Variants in SPAG16 observed in about 807,000 individuals in gnomAD.
SPAG16 encodes the protein sperm associated antigen 16, also known as sperm-associated antigen 16 protein.
In SPAG16, 86 loss-of-function variants were observed where a neutral mutation model predicts 80.4. The observed-to-expected ratio is 1.07, with a 90% confidence interval of 0.90 to 1.28. The LOEUF (loss-of-function observed/expected upper bound fraction) is 1.28. SPAG16 is among the 50% of genes most tolerant of loss of function. The probability of loss-of-function intolerance (pLI) is 0.00; values close to 1 mark genes in which losing one functional copy is unlikely to be tolerated. For synonymous variants in SPAG16, 294 were observed against 265.9 expected (o/e 1.11, Z -1.03); for missense variants, 870 against 765.3 (o/e 1.14, Z -1.61).
chr2:213,754,818 AC>A (rs1249607161), intron 10 of SPAG16, among the ~76,000 whole-genome samples: 1 of 152,202 alleles, frequency 6.6e-6, no homozygotes, highest in Non-Finnish European at 1.5e-5. Context: ...AGGCCTTAAG[AC>A]ATGTTAAGCA....
intron 10 of SPAG16, among the ~76,000 whole-genome samples, chr2:213,853,071 G>T (rs1291713164): frequency 6.6e-6 from 1 of 151,950 alleles, no homozygotes; most frequent in African/African-American, 2.4e-5. Context: ...ATGTTCACGG[G>T]GCACACATTT....
chr2:213,528,808 G>A (rs2075972948), intron 10 of SPAG16, among the ~76,000 whole-genome samples: 1 of 152,120 alleles, frequency 6.6e-6, no homozygotes, highest in Admixed American at 6.6e-5. Flanking sequence ...ATTTCATAAT[G>A]TTTTACAAAG....
intron 9 of SPAG16, among the ~76,000 whole-genome samples, chr2:213,399,674 G>T (rs2068218427): frequency 1.3e-5 from 2 of 151,742 alleles, no homozygotes; most frequent in African/African-American, 4.8e-5. Context: ...AATAAGTTGT[G>T]GAATAGTTCC....
intron 12 of SPAG16, among the ~76,000 whole-genome samples, chr2:213,942,439 A>C (rs2079246398): frequency 6.6e-6 from 1 of 152,218 alleles, no homozygotes. Context: ...TTCACTGAGC[A>C]AATAGAAGAA....
intron 13 of SPAG16, among the ~76,000 whole-genome samples, chr2:214,092,406 G>A (rs1319637938): frequency 6.6e-6 from 1 of 151,902 alleles, no homozygotes; most frequent in Admixed American, 6.6e-5. Flanking sequence ...TGACTAGTGA[G>A]TTTGAAAATC....
intron 10 of SPAG16, among the ~76,000 whole-genome samples, chr2:213,750,916 T>G (rs115765862): frequency 0.05 from 7,574 of 152,282 alleles, 253 homozygotes; most frequent in Middle Eastern, 0.095. Flanking sequence ...GGACCACCGA[T>G]GATACATTAA....
intron 12 of SPAG16, among the ~76,000 whole-genome samples, chr2:213,959,272 C>T (rs972096697): frequency 1.3e-5 from 2 of 152,060 alleles, no homozygotes; most frequent in Non-Finnish European, 2.9e-5. Flanking sequence ...TTGTACTTCT[C>T]GGGTGTTTAT....
chr2:213,689,243 C>T (rs2064830000), intron 10 of SPAG16, among the ~76,000 whole-genome samples: 1 of 152,202 alleles, frequency 6.6e-6, no homozygotes, highest in South Asian at 2.1e-4. Context: ...CAGGCATGAG[C>T]CACTGCTCCT....
chr2:213,982,361 T>C (rs2045792529), intron 12 of SPAG16, among the ~76,000 whole-genome samples: 1 of 151,646 alleles, frequency 6.6e-6, no homozygotes, highest in African/African-American at 2.4e-5. Context: ...GTTTAATATG[T>C]TTAATGTAAT....
chr2:213,988,956 T>A (rs927928310), intron 12 of SPAG16, among the ~76,000 whole-genome samples: 1 of 152,118 alleles, frequency 6.6e-6, no homozygotes, highest in African/African-American at 2.4e-5. Flanking sequence ...TTGTGTAGAA[T>A]GTGGAGTTCT....
intron 10 of SPAG16, among the ~76,000 whole-genome samples, chr2:213,601,744 C>G (rs182603502): frequency 1.3e-5 from 2 of 152,284 alleles, no homozygotes; most frequent in Admixed American, 1.3e-4. Flanking sequence ...TACATAAATA[C>G]TTACCATTGT....
chr2:214,164,608 A>G (rs1259598993), intron 15 of SPAG16, among the ~76,000 whole-genome samples: 1 of 152,150 alleles, frequency 6.6e-6, no homozygotes, highest in Non-Finnish European at 1.5e-5. Context: ...TTCTAAAAAG[A>G]AGAAATAATT....
chr2:213,456,063 T>C (rs1296200999), intron 9 of SPAG16, among the ~76,000 whole-genome samples: 2 of 152,242 alleles, frequency 1.3e-5, no homozygotes, highest in Non-Finnish European at 2.9e-5. Context: ...TTGCCTCTCA[T>C]GTTTTCTGGC....
Position 213,310,058 on chromosome 2 carries a change from G to C in SPAG16, c.280-1G>C, listed in dbSNP as rs936304079. 1.3e-6 allele frequency: 2 copies of C among 1,585,024 alleles called. No homozygotes were observed. Among genetic ancestry groups the C allele is most frequent in the Admixed American group, 3.5e-5 (2 of 57,118 alleles). ...TAAATAAATGCACGTTTAAATTTCA[G>C]GAACGGAAAACAGTTCTTCCTTCAA... On this transcript the variant is annotated splice_acceptor_variant, in intron 3 of 15. Transcript: ENST00000331683. LOFTEE classifies it high-confidence loss of function.
At chr2:214,113,801 C>T (rs1257637330) in intron 14 of SPAG16, among the ~76,000 whole-genome samples, 2 of 152,054 alleles carry the variant, frequency 1.3e-5, no homozygotes, top group Non-Finnish European at 2.9e-5. Context: ...TTGTTATTAC[C>T]GACCTTCTGA....
chr2:213,704,846 G>A (rs909774972), intron 10 of SPAG16, among the ~76,000 whole-genome samples: 1 of 152,172 alleles, frequency 6.6e-6, no homozygotes, highest in Non-Finnish European at 1.5e-5. Context: ...TATTTGTAGT[G>A]CAGTCAATGA....
At chr2:213,757,762 T>C (rs1445081966) in intron 10 of SPAG16, among the ~76,000 whole-genome samples, 2 of 152,134 alleles carry the variant, frequency 1.3e-5, no homozygotes, top group Non-Finnish European at 2.9e-5. Context: ...GCACAGAGCA[T>C]GCAGGAACCA....
chr2:213,639,663 G>GATTCTTTCCTTTAGATT (rs2062511696), intron 10 of SPAG16, among the ~76,000 whole-genome samples: 1 of 152,106 alleles, frequency 6.6e-6, no homozygotes, highest in Non-Finnish European at 1.5e-5. Context: ...TTACCTCATA[G>GATTCTTTCCTTTAGATT]CTCTTTAGAT....
At chr2:213,315,777 C>A (rs554337718) in intron 4 of SPAG16, among the ~76,000 whole-genome samples, 18 of 151,834 alleles carry the variant, frequency 1.2e-4, no homozygotes, top group Non-Finnish European at 1.8e-4. Flanking sequence ...TGGCAGCATT[C>A]GTCACTGTTG....
Sources: gnomAD v4.1 joint callset for allele counts (sites outside exome capture counted in the v4.1 genomes callset) on GRCh38, gnomAD v4.1.1 for gene constraint, MANE v1.5 for transcripts, NCBI Gene and HGNC (gene_info 2026-07-23, HGNC 2026-07-21) for gene names.